NUP35: variants seen among roughly 807,000 people sequenced by gnomAD.
The protein encoded by NUP35 is nucleoporin NUP35.
NUP35 carries 25 observed loss-of-function variants against 41.5 expected under a neutral mutation model. That is an observed-to-expected ratio of 0.60 (90% CI 0.44 to 0.84). The LOEUF is 0.84. Ranked by LOEUF, NUP35 falls within the 40% of genes least tolerant of loss-of-function variation. NUP35 has a pLI of 0.00. For synonymous variants in NUP35, 149 were observed against 130.7 expected, an observed-to-expected ratio of 1.14 and a Z score of -0.96; for missense variants, 396 against 396.6, an observed-to-expected ratio of 1.00 and a Z score of 0.01.
chr2:183,126,221 A>G (rs1007284242), intron 1 of NUP35, among the ~76,000 whole-genome samples: 1 of 152,092 alleles, frequency 6.6e-6, no homozygotes, highest in Admixed American at 6.6e-5. Context: ...TGGTAGAGAC[A>G]AGGTTTCGCC....
At chr2:183,136,500 C>A (rs1684878489) in intron 4 of NUP35, among the ~76,000 whole-genome samples, 1 of 152,182 alleles carries the variant, frequency 6.6e-6, no homozygotes, top group Admixed American at 6.5e-5. Context: ...ATGTTAACTT[C>A]TAGAGGCTGC....
chr2:183,156,714 G>A (rs1227503165), intron 5 of NUP35, among the ~76,000 whole-genome samples: 3 of 151,710 alleles, frequency 2.0e-5, no homozygotes, highest in Admixed American at 1.3e-4. Flanking sequence ...TTTCTTTAGG[G>A]TTCTAATTCA....
intron 5 of NUP35, among the ~76,000 whole-genome samples, chr2:183,154,216 T>G (rs1685571113): frequency 6.6e-6 from 1 of 152,198 alleles, no homozygotes; most frequent in African/African-American, 2.4e-5. Flanking sequence ...CTTGAAGGGC[T>G]CTGACATGCC....
chr2:183,138,031 A>G (rs951369948), intron 4 of NUP35, among the ~76,000 whole-genome samples: 2 of 151,958 alleles, frequency 1.3e-5, no homozygotes, highest in East Asian at 1.9e-4. Flanking sequence ...AAAAATACCT[A>G]TCATGAATTG....
intron 4 of NUP35, among the ~76,000 whole-genome samples, chr2:183,138,335 T>C (rs1472851172): frequency 6.7e-6 from 1 of 148,428 alleles, no homozygotes; most frequent in Non-Finnish European, 1.5e-5. Flanking sequence ...TTAGTAAATC[T>C]TAGCTTTCTG....
chr2:183,117,776 T>C (rs1700008800), intron 1 of NUP35: 1 of 152,224 alleles, frequency 6.6e-6, no homozygotes, highest in South Asian at 2.1e-4. Flanking sequence ...AATAGGTTGA[T>C]GAATATTCAG....
At chr2:183,160,935 A>C (rs778479881) in intron 8 of NUP35, 119 bp from the exon 9 acceptor site, 2 of 689,966 alleles carry the variant, frequency 2.9e-6, no homozygotes, top group Non-Finnish European at 5.0e-6. Flanking sequence ...ACAAAAATTT[A>C]CAATTTAGTG....
chr2:183,160,203 A>G (rs2105626066), intron 8 of NUP35: 1 of 152,698 alleles, frequency 6.5e-6, no homozygotes, highest in South Asian at 2.1e-4. Flanking sequence ...GAACTTAACC[A>G]GCTGCAGAAA....
chr2:183,130,217 C>G (rs72892694), intron 2 of NUP35, among the ~76,000 whole-genome samples: 4,916 of 152,210 alleles, frequency 0.032, 97 homozygotes, highest in Non-Finnish European at 0.043. Flanking sequence ...CTTATTAGAA[C>G]TGTATAATCT....
upstream of NUP35, chr2:183,123,945 C>A: frequency 2.4e-6 from 1 of 422,892 alleles, no homozygotes; most frequent in Non-Finnish European, 3.2e-6. Flanking sequence ...GTAAAATTGT[C>A]TACATAACAC....
chr2:183,145,461 C>T (rs1685247301), intron 4 of NUP35, among the ~76,000 whole-genome samples: 1 of 152,060 alleles, frequency 6.6e-6, no homozygotes, highest in South Asian at 2.1e-4. Flanking sequence ...GGATACTCAG[C>T]CTATACCTAT....
upstream of NUP35, chr2:183,120,083 A>G (rs1248693187): frequency 6.6e-6 from 1 of 152,294 alleles, no homozygotes; most frequent in East Asian, 1.9e-4. Context: ...GAGGCTGAAG[A>G]AAAGGAGGCT....
intron 3 of NUP35, chr2:183,131,042 C>A: frequency 1.8e-6 from 1 of 555,002 alleles, no homozygotes; most frequent in Non-Finnish European, 3.1e-6. Flanking sequence ...AGTGCAGCGG[C>A]ACAGTCATAA....
chr2:183,150,663 G>T (rs1033172852), intron 4 of NUP35, among the ~76,000 whole-genome samples: 5 of 151,452 alleles, frequency 3.3e-5, no homozygotes, highest in Non-Finnish European at 7.4e-5. Flanking sequence ...TTACTTATTT[G>T]TCTCTCTTTC....
chr2:183,118,010 A>G (rs1516243), intron 1 of NUP35, among the ~76,000 whole-genome samples: 149,588 of 152,208 alleles, frequency 0.98, 73,558 homozygotes, highest in East Asian at 1. Context: ...TTGGCAGTTT[A>G]GGGGGCAAGA....
chr2:183,130,408 T>G lies in NUP35; in HGVS notation c.212-10T>G, dbSNP rs1684656573. ...ATCCCTTTTTTTTTTTTTTTTTTTG[T>G]ACACTGTAGGTGGGTCACCACCACA... On this transcript the variant is annotated splice_polypyrimidine_tract_variant and intron_variant, in intron 2 of 8. Coordinates refer to ENST00000295119, the MANE Select transcript of NUP35 (RefSeq NM_138285.5). The G allele has an allele frequency of 2.2e-6, 3 of 1,353,222 alleles. No homozygotes were observed. The highest frequency in any genetic ancestry group is 2.9e-6 in the Non-Finnish European group (3 of 1,049,920). The allele number at this position is 1,353,222 out of a possible 1,614,324, so 83.8% of individuals were successfully genotyped here.
At chr2:183,124,073 C>T (rs1700107656), upstream of NUP35, among the ~76,000 whole-genome samples, 1 of 152,194 alleles carries the variant, frequency 6.6e-6, no homozygotes, top group Admixed American at 6.5e-5. Flanking sequence ...ATCAAGCTGA[C>T]TTTTCCAGGT....
At chr2:183,134,965 A>G (rs996037379) in intron 4 of NUP35, among the ~76,000 whole-genome samples, 5 of 152,092 alleles carry the variant, frequency 3.3e-5, no homozygotes, top group African/African-American at 1.2e-4. Context: ...TCTAGAGGCT[A>G]CTTAATGTTT....
rs117940342 is a variant in NUP35 at position 183,137,914 on chromosome 2, A to G, written c.397+4291A>G. On this transcript the variant is annotated intron_variant, in intron 4 of 8. Transcript: ENST00000295119. Reference sequence around the variant, plus strand: ...TGTCAAGTAGAAAAGCGCATGATTAATGTTAATAAATATCTTTTTGTTAAC... The same window carrying G: ...TGTCAAGTAGAAAAGCGCATGATTAGTGTTAATAAATATCTTTTTGTTAAC... Among the ~76,000 whole-genome samples, 1,104 of 152,212 alleles carry G rather than the reference A, an allele frequency of 7.3e-3. 34 individuals carry two copies. The highest frequency in any genetic ancestry group is 0.044 in the East Asian group (226 of 5,182).
Sources: gnomAD v4.1 joint callset for allele counts (sites outside exome capture counted in the v4.1 genomes callset) on GRCh38, gnomAD v4.1.1 for gene constraint, MANE v1.5 for transcripts, NCBI Gene and HGNC (gene_info 2026-07-23, HGNC 2026-07-21) for gene names.